Variants in XKR4 observed in about 807,000 individuals in gnomAD.
The protein encoded by XKR4 is XK-related protein 4.
XKR4 carries 12 observed loss-of-function variants against 53.9 expected under a neutral mutation model. The ratio of observed to expected loss-of-function variants is 0.22; its 90% CI spans 0.14 to 0.36. The LOEUF is 0.36. Among genes scored for constraint, XKR4 ranks in the 10% least tolerant of loss-of-function variants. The pLI is 1.00. For missense variants in XKR4, 799 were observed against 859.5 expected (o/e 0.93, Z 0.88); for synonymous variants, 354 against 362.4 (o/e 0.98, Z 0.26).
At chr8:55,118,211 A>T (rs1816336674) in intron 1 of XKR4, among the ~76,000 whole-genome samples, 1 of 152,214 alleles carries the variant, frequency 6.6e-6, no homozygotes, top group Admixed American at 6.5e-5. Context: ...AATTCATTTG[A>T]TACCTACTGG....
intron 2 of XKR4, among the ~76,000 whole-genome samples, chr8:55,372,124 G>A (rs556531345): frequency 3.3e-5 from 5 of 152,302 alleles, no homozygotes; most frequent in Admixed American, 2.6e-4. Context: ...GAAGAGGAGA[G>A]CTGGAGGAAA....
chr8:55,523,634 C>T lies in XKR4; in HGVS notation c.1360C>T (p.Arg454Cys). 3.1e-6 allele frequency: 5 copies of T among 1,614,132 alleles called. No homozygotes were observed. The highest frequency in any genetic ancestry group is 2.2e-5 in the East Asian group (1 of 44,880). Residue 454 changes from arginine (R) to cysteine (C), a missense_variant, in exon 3 of 3, where the codon CGC (arginine) becomes TGC (cysteine). Physicochemically the swap from Arg to Cys is radical, Grantham distance 180 (BLOSUM62 -3). Around this residue, in one of 3 missense-constraint regions of XKR4, gnomAD observed 269 missense variants for 264.4 expected, o/e 1.02. Coordinates refer to ENST00000327381, the MANE Select transcript of XKR4 (RefSeq NM_052898.2). ...SWFNVKEGRT[R>C]CRLFIYYFVI... Reference sequence around the variant, plus strand: ...GTTCAATGTCAAGGAAGGCAGGACACGCTGCAGGCTATTCATTTACTATTT... The same window carrying T: ...GTTCAATGTCAAGGAAGGCAGGACATGCTGCAGGCTATTCATTTACTATTT...
rs1806946149 is a variant in XKR4 at position 55,531,084 on chromosome 8, G to C, written c.*6857G>C. 1 of 152,174 alleles carries C rather than the reference G, an allele frequency of 6.6e-6. No homozygotes were observed. Among genetic ancestry groups the C allele is most frequent in the Admixed American group, 6.5e-5 (1 of 15,282 alleles). 9.4% of individuals were successfully genotyped at this position (152,174 alleles called of 1,614,324 possible). On this transcript the variant is annotated 3_prime_UTR_variant, in exon 3 of 3. Transcript: ENST00000327381. Reference sequence around the variant, plus strand: ...TATATTTAATTCCATATTGAAGCAAGAAAGAAACACAGCTTTTCTAAGACT... The same window carrying C: ...TATATTTAATTCCATATTGAAGCAACAAAGAAACACAGCTTTTCTAAGACT...
chr8:55,447,122 T>A (rs900076279), intron 2 of XKR4, among the ~76,000 whole-genome samples: 28 of 150,714 alleles, frequency 1.9e-4, no homozygotes, highest in African/African-American at 6.6e-4. Context: ...AATACACAGA[T>A]CTAGATGGTG....
intron 2 of XKR4, among the ~76,000 whole-genome samples, chr8:55,507,437 T>G (rs529576971): frequency 8.5e-5 from 13 of 152,230 alleles, no homozygotes; most frequent in African/African-American, 2.9e-4. Context: ...TGCCATGTTG[T>G]TGTGCTGCAC....
At chr8:55,363,601 G>C (rs570208318) in intron 2 of XKR4, among the ~76,000 whole-genome samples, 4 of 152,120 alleles carry the variant, frequency 2.6e-5, no homozygotes, top group African/African-American at 7.2e-5. Context: ...ACCTCATCGC[G>C]AAGCAGGTGG....
At chr8:55,145,903 GATCT>G (rs1256858268) in intron 1 of XKR4, among the ~76,000 whole-genome samples, 1 of 152,188 alleles carries the variant, frequency 6.6e-6, no homozygotes, top group Non-Finnish European at 1.5e-5. Flanking sequence ...TTTGGAAACA[GATCT>G]ATCTGTGAAG....
chr8:55,305,828 T>C (rs567498639), intron 1 of XKR4, among the ~76,000 whole-genome samples: 2 of 152,270 alleles, frequency 1.3e-5, no homozygotes, highest in East Asian at 1.9e-4. Flanking sequence ...ATCCATGAAA[T>C]GATCTTACCA....
intron 2 of XKR4, among the ~76,000 whole-genome samples, chr8:55,426,443 A>G (rs1805015073): frequency 6.6e-6 from 1 of 152,054 alleles, no homozygotes; most frequent in South Asian, 2.1e-4. Context: ...TGGTGCCCTT[A>G]CTGTACATTC....
chr8:55,398,527 A>G (rs1017348565), intron 2 of XKR4, among the ~76,000 whole-genome samples: 25 of 152,340 alleles, frequency 1.6e-4, no homozygotes, highest in African/African-American at 6.0e-4. Flanking sequence ...CTTCGGTGAA[A>G]GGAGGATGAG....
intron 1 of XKR4, among the ~76,000 whole-genome samples, chr8:55,312,186 G>GT (rs5891568): frequency 1.1e-3 from 157 of 147,010 alleles, no homozygotes; most frequent in Middle Eastern, 3.5e-3. Context: ...CTCTGACTCT[G>GT]TTTTTTTTTT....
Position 55,531,544 on chromosome 8 carries a change from G to A in XKR4, c.*7317G>A, listed in dbSNP as rs1261380417. 6.6e-6 allele frequency: 1 copy of A among 151,148 alleles called. No homozygotes were observed. The highest frequency in any genetic ancestry group is 2.4e-5 in the African/African-American group (1 of 41,136). The allele number at this position is 151,148 out of a possible 1,614,324, so 9.4% of individuals were successfully genotyped here. On this transcript the variant is annotated 3_prime_UTR_variant, in exon 3 of 3. Coordinates refer to ENST00000327381, the MANE Select transcript of XKR4 (RefSeq NM_052898.2). ...TAGATGACTGCTTATAAAGAGAAAA[G>A]TAATTTTATAATTTGTTTATATGAC...
At chr8:55,456,179 C>A (rs1454076296) in intron 2 of XKR4, among the ~76,000 whole-genome samples, 1 of 152,116 alleles carries the variant, frequency 6.6e-6, no homozygotes. Context: ...CACCTGTAAT[C>A]CCAGCACTTT....
chr8:55,154,832 T>C (rs1446684716), intron 1 of XKR4, among the ~76,000 whole-genome samples: 4 of 152,230 alleles, frequency 2.6e-5, no homozygotes, highest in Admixed American at 6.5e-5. Context: ...AGCTTGTTTA[T>C]TGAGAAGAGA....
At chr8:55,143,013 TA>T (rs1295779991) in intron 1 of XKR4, among the ~76,000 whole-genome samples, 1 of 152,198 alleles carries the variant, frequency 6.6e-6, no homozygotes, top group Non-Finnish European at 1.5e-5. Context: ...ACATGAATGG[TA>T]TTATACAAGA....
At chr8:55,109,008 T>C (rs868795926) in intron 1 of XKR4, among the ~76,000 whole-genome samples, 2 of 152,156 alleles carry the variant, frequency 1.3e-5, no homozygotes, top group African/African-American at 4.8e-5. Flanking sequence ...GAGAGCTCCA[T>C]AGTAAGTGCT....
At chr8:55,388,628 A>T (rs1804388731) in intron 2 of XKR4, among the ~76,000 whole-genome samples, 1 of 152,154 alleles carries the variant, frequency 6.6e-6, no homozygotes, top group Non-Finnish European at 1.5e-5. Flanking sequence ...CACTCATCTC[A>T]TTTATGAGGG....
At chr8:55,293,238 G>A (rs1220001501) in intron 1 of XKR4, among the ~76,000 whole-genome samples, 1 of 152,144 alleles carries the variant, frequency 6.6e-6, no homozygotes, top group Non-Finnish European at 1.5e-5. Context: ...GGGAGGCTGA[G>A]GCAGGAGAAT....
At chr8:55,452,616 A>G (rs1398792842) in intron 2 of XKR4, 5 of 1,161,884 alleles carry the variant, frequency 4.3e-6, no homozygotes, top group Non-Finnish European at 6.5e-6. Context: ...TATCTGGACG[A>G]TGTCTGGCAC....
Sources: gnomAD v4.1 joint callset for allele counts (sites outside exome capture counted in the v4.1 genomes callset) on GRCh38, gnomAD v4.1.1 for gene constraint, gnomAD v4.1.1 regional missense constraint, MANE v1.5 for transcripts, NCBI Gene and HGNC (gene_info 2026-07-23, HGNC 2026-07-21) for gene names.